DCDC1: variants seen among roughly 807,000 people sequenced by gnomAD.
The protein encoded by DCDC1 is doublecortin domain-containing protein 1.
In DCDC1, 200 loss-of-function variants were observed where a neutral mutation model predicts 178.3. The observed-to-expected ratio is 1.12, with a 90% confidence interval of 1.00 to 1.26. The LOEUF is 1.26. DCDC1 is among the 50% of genes most tolerant of loss of function. DCDC1 has a pLI of 0.00. For synonymous variants in DCDC1, 690 were observed against 604.8 expected (o/e 1.14, Z -2.07); for missense variants, 1,983 against 1,749.2 (o/e 1.13, Z -2.38).
intron 13 of DCDC1, among the ~76,000 whole-genome samples, chr11:31,106,142 T>C (rs1275214214): frequency 6.6e-6 from 1 of 152,176 alleles, no homozygotes; most frequent in Non-Finnish European, 1.5e-5. Context: ...TATGCAGGAA[T>C]TTACCAATCT....
chr11:31,346,560 T>C (rs759558918), intron 1 of DCDC1, among the ~76,000 whole-genome samples: 15 of 151,068 alleles, frequency 9.9e-5, no homozygotes, highest in African/African-American at 2.9e-4. Context: ...TCTTCAGACA[T>C]ACATTTTTGA....
intron 18 of DCDC1, among the ~76,000 whole-genome samples, chr11:31,072,272 C>T (rs1375755368): frequency 6.6e-6 from 1 of 151,828 alleles, no homozygotes; most frequent in Admixed American, 6.6e-5. Context: ...ATGTCCTTTG[C>T]CCATTTTTGT....
chr11:31,027,487 A>C (rs934265879), intron 20 of DCDC1, among the ~76,000 whole-genome samples: 2 of 151,894 alleles, frequency 1.3e-5, no homozygotes, highest in African/African-American at 4.8e-5. Context: ...CAGAATGTAT[A>C]CCATAAACCT....
intron 20 of DCDC1, among the ~76,000 whole-genome samples, chr11:31,006,715 C>T (rs1951865984): frequency 2.0e-5 from 3 of 152,170 alleles, no homozygotes; most frequent in Admixed American, 2.0e-4. Context: ...TAAATATTCG[C>T]TCTAACTAAC....
intron 34 of DCDC1, among the ~76,000 whole-genome samples, chr11:30,898,400 T>C (rs1944399023): frequency 6.6e-6 from 1 of 152,144 alleles, no homozygotes; most frequent in Admixed American, 6.5e-5. Context: ...GATAATGATA[T>C]ATAGCTGGAG....
intron 20 of DCDC1, among the ~76,000 whole-genome samples, chr11:31,063,729 A>G (rs553303928): frequency 8.5e-5 from 13 of 152,148 alleles, no homozygotes; most frequent in Admixed American, 3.3e-4. Context: ...AAATAAATTA[A>G]TTAATTAAAT....
chr11:30,888,068 G>A lies in DCDC1; in HGVS notation c.5082+4750C>T, dbSNP rs184514339. 8.7e-3 allele frequency among the ~76,000 whole-genome samples: 826 copies of A among 94,696 alleles called. 19 individuals are homozygous for A. Among genetic ancestry groups the A allele is most frequent in the African/African-American group, 0.03 (786 of 26,422 alleles). The allele number at this position is 94,696 out of a possible 152,430, so 62.1% of individuals were successfully genotyped here. A position where few individuals can be genotyped will look rare whatever the true frequency, so the allele number is the denominator to read the frequency against. On this transcript the variant is annotated intron_variant, in intron 36 of 38. Transcript: ENST00000684477. Reference sequence around the variant, plus strand: ...AAAGAAAGAAAGAAAGAAAGAGAGAGAGAGAGAGAGAGAGAGAAAGAAAGA... The same window carrying A: ...AAAGAAAGAAAGAAAGAAAGAGAGAAAGAGAGAGAGAGAGAGAAAGAAAGA...
intron 20 of DCDC1, among the ~76,000 whole-genome samples, chr11:31,026,312 A>G (rs1476442618): frequency 5.3e-5 from 8 of 151,786 alleles, no homozygotes. Context: ...ATGAAGACTA[A>G]ACATAGCAGA....
At chr11:31,327,748 G>GA (rs1344481369) in intron 3 of DCDC1, among the ~76,000 whole-genome samples, 4 of 151,428 alleles carry the variant, frequency 2.6e-5, no homozygotes, top group Non-Finnish European at 5.9e-5. Flanking sequence ...TTTTTTTTTA[G>GA]ACAGAGTCTC....
At chr11:31,004,637 G>A (rs756499199) in intron 20 of DCDC1, among the ~76,000 whole-genome samples, 21 of 145,916 alleles carry the variant, frequency 1.4e-4, no homozygotes, top group South Asian at 2.2e-4. Context: ...AGCCAAGATC[G>A]CGCCACTGCA....
chr11:30,910,798 G>T (rs1945390583), intron 28 of DCDC1, among the ~76,000 whole-genome samples: 1 of 152,080 alleles, frequency 6.6e-6, no homozygotes, highest in Non-Finnish European at 1.5e-5. Context: ...TCCATAAATT[G>T]TCTGGCTGCT....
At chr11:30,962,475 A>C (rs1421122759) in intron 20 of DCDC1, among the ~76,000 whole-genome samples, 1 of 152,070 alleles carries the variant, frequency 6.6e-6, no homozygotes, top group Non-Finnish European at 1.5e-5. Context: ...AAATCATTTC[A>C]ACAATAACAC....
At chr11:30,872,024 G>C (rs916252863) in intron 38 of DCDC1, among the ~76,000 whole-genome samples, 1 of 151,834 alleles carries the variant, frequency 6.6e-6, no homozygotes, top group Admixed American at 6.6e-5. Flanking sequence ...CATTAAGCTT[G>C]TTCAAGTTAT....
At chr11:31,027,673 C>T (rs1227932149) in intron 20 of DCDC1, among the ~76,000 whole-genome samples, 5 of 151,854 alleles carry the variant, frequency 3.3e-5, no homozygotes, top group African/African-American at 1.2e-4. Context: ...TGATGATATC[C>T]ATACCATAAT....
At position 31,071,433 on chromosome 11, in the gene DCDC1, T is replaced by C. The variant is rs538661841; in HGVS notation, c.2299-6280A>G. Among the ~76,000 whole-genome samples, 357 of 152,284 alleles carry C rather than the reference T, an allele frequency of 2.3e-3. 2 individuals carry two copies. Among genetic ancestry groups the C allele is most frequent in the Non-Finnish European group, 4.0e-3 (274 of 68,010 alleles). ...TCTGAGTCATAAGGAATATGCATTT[T>C]TTAAGGATTTTGATAAATGTTGTCA... is the stretch of plus-strand genomic sequence containing the variant. On this transcript the variant is annotated intron_variant, in intron 18 of 38. Transcript: ENST00000684477.
At position 30,920,799 on chromosome 11, in the gene DCDC1, C is replaced by T. The variant is rs781679542; in HGVS notation, c.3270G>A (p.Thr1090=). 12 of 1,613,426 alleles carry T rather than the reference C, an allele frequency of 7.4e-6. No homozygotes were observed. The highest frequency in any genetic ancestry group is 5.5e-5 in the South Asian group (5 of 91,008). The change falls in exon 25 of 39, where the codon ACG becomes ACA. Residue 1090 remains threonine (T), a synonymous_variant. Transcript: ENST00000684477. The stretch of plus-strand genomic sequence containing the variant: ...ACAGAATTTCACTGGAAGCATTTTC[C>T]GTTGTTAGAGGATCTTCTTGCATTT... The part of the protein sequence containing the change: ...EKQMQEDPLT[T]ENASSEILDS...
At chr11:30,977,915 C>A (rs290095) in intron 20 of DCDC1, among the ~76,000 whole-genome samples, 2 of 151,946 alleles carry the variant, frequency 1.3e-5, no homozygotes, top group African/African-American at 4.8e-5. Flanking sequence ...GGGTGACAGA[C>A]CGAGACCCTG....
intron 32 of DCDC1, among the ~76,000 whole-genome samples, chr11:30,902,087 T>A (rs963072483): frequency 2.6e-5 from 4 of 152,128 alleles, no homozygotes; most frequent in Non-Finnish European, 5.9e-5. Context: ...AATATAGATA[T>A]ATAGATATAC....
At chr11:30,904,612 A>G (rs535531554) in intron 31 of DCDC1, 2 of 271,492 alleles carry the variant, frequency 7.4e-6, no homozygotes, top group Non-Finnish European at 1.4e-5. Flanking sequence ...GATGATTCAG[A>G]TGACATACAA....
Sources: allele counts gnomAD v4.1 joint callset (sites outside exome capture counted in the v4.1 genomes callset), GRCh38; gene constraint gnomAD v4.1.1; transcripts MANE v1.5; gene names NCBI Gene and HGNC (gene_info 2026-07-23, HGNC 2026-07-21).